Variants in HTR1F observed in about 807,000 individuals in gnomAD.
The protein encoded by HTR1F is 5-hydroxytryptamine receptor 1F.
HTR1F carries 17 observed loss-of-function variants against 24.0 expected under a neutral mutation model. That is an observed-to-expected ratio of 0.71 (90% CI 0.48 to 1.06). The LOEUF is 1.06. Ranked by LOEUF, HTR1F falls within the 50% of genes least tolerant of loss-of-function variation. HTR1F has a pLI of 0.00. For synonymous variants in HTR1F, 186 were observed against 156.8 expected, an observed-to-expected ratio of 1.19 and a Z score of -1.39; for missense variants, 391 against 427.8, an observed-to-expected ratio of 0.91 and a Z score of 0.76.
chr3:87,888,473 A>G (rs1706008479), intron 2 of HTR1F, among the ~76,000 whole-genome samples: 1 of 152,024 alleles, frequency 6.6e-6, no homozygotes. Context: ...ATAATAAAAA[A>G]TAAAATAAAA....
At chr3:87,819,351 T>G (rs2107119407) in intron 1 of HTR1F, among the ~76,000 whole-genome samples, 1 of 152,054 alleles carries the variant, frequency 6.6e-6, no homozygotes, top group East Asian at 1.9e-4. Flanking sequence ...TTTTTTTTTT[T>G]GCTTAACTTT....
At chr3:87,848,836 A>G (rs1705010173) in intron 2 of HTR1F, among the ~76,000 whole-genome samples, 1 of 151,748 alleles carries the variant, frequency 6.6e-6, no homozygotes. Flanking sequence ...GAGCCAAATC[A>G]TGAGTGAACT....
chr3:87,953,272 T>C (rs1704873102), intron 2 of HTR1F, among the ~76,000 whole-genome samples: 1 of 151,350 alleles, frequency 6.6e-6, no homozygotes, highest in Admixed American at 6.6e-5. Flanking sequence ...AGACAACCTG[T>C]TGAATGGGAG....
chr3:87,945,668 GGTT>G (rs1325395239), intron 2 of HTR1F, among the ~76,000 whole-genome samples: 1 of 152,140 alleles, frequency 6.6e-6, no homozygotes, highest in African/African-American at 2.4e-5. Context: ...AAGGGCTGGG[GGTT>G]GTTGGAAAGC....
chr3:87,857,725 C>T (rs1355571379), intron 2 of HTR1F, among the ~76,000 whole-genome samples: 4 of 152,096 alleles, frequency 2.6e-5, no homozygotes, highest in African/African-American at 9.7e-5. Context: ...AACTGATGAA[C>T]TTGCATTGAC....
At chr3:87,862,926 C>G (rs1021845) in intron 2 of HTR1F, among the ~76,000 whole-genome samples, 9,017 of 152,054 alleles carry the variant, frequency 0.059, 830 homozygotes, top group African/African-American at 0.2. Context: ...AACCGATTAT[C>G]CTGCTTCAGC....
At chr3:87,963,758 GT>G (rs1705110521) in intron 2 of HTR1F, among the ~76,000 whole-genome samples, 1 of 152,056 alleles carries the variant, frequency 6.6e-6, no homozygotes, top group Non-Finnish European at 1.5e-5. Context: ...GCACCTGAGG[GT>G]TAGAGATCTT....
At chr3:87,885,040 T>A (rs1705904161) in intron 2 of HTR1F, among the ~76,000 whole-genome samples, 1 of 152,084 alleles carries the variant, frequency 6.6e-6, no homozygotes, top group Non-Finnish European at 1.5e-5. Flanking sequence ...GAATATACAT[T>A]CTCCTCAGCA....
intron 2 of HTR1F, among the ~76,000 whole-genome samples, chr3:87,830,724 A>C (rs574933081): frequency 6.6e-6 from 1 of 152,312 alleles, no homozygotes; most frequent in East Asian, 1.9e-4. Context: ...TTTTAGAAAA[A>C]AAATGTGTAG....
At chr3:87,870,828 G>T (rs1705537589) in intron 2 of HTR1F, among the ~76,000 whole-genome samples, 1 of 151,960 alleles carries the variant, frequency 6.6e-6, no homozygotes, top group Non-Finnish European at 1.5e-5. Flanking sequence ...ATCTCTAATT[G>T]GAAATTTATA....
At chr3:87,875,831 G>A (rs546426063) in intron 2 of HTR1F, among the ~76,000 whole-genome samples, 91 of 151,132 alleles carry the variant, frequency 6.0e-4, no homozygotes, top group Non-Finnish European at 1.1e-3. Flanking sequence ...GGCTGAAGCA[G>A]GAGAATGGCT....
At chr3:87,901,705 C>T (rs2919273) in intron 2 of HTR1F, among the ~76,000 whole-genome samples, 13,513 of 150,220 alleles carry the variant, frequency 0.09, 1,882 homozygotes, top group African/African-American at 0.3. Flanking sequence ...ATACACTCAC[C>T]AAAAATGAAA....
intron 2 of HTR1F, among the ~76,000 whole-genome samples, chr3:87,839,469 T>C (rs143416647): frequency 1.3e-5 from 2 of 152,300 alleles, no homozygotes; most frequent in Admixed American, 1.3e-4. Flanking sequence ...CTTTGTAATA[T>C]ATTTTCATGT....
At chr3:87,856,787 A>C (rs1471839055) in intron 2 of HTR1F, among the ~76,000 whole-genome samples, 1 of 152,158 alleles carries the variant, frequency 6.6e-6, no homozygotes, top group Non-Finnish European at 1.5e-5. Context: ...ATCTTGTATT[A>C]CAGAAAATGG....
chr3:87,846,697 C>T (rs1704953046), intron 2 of HTR1F, among the ~76,000 whole-genome samples: 1 of 151,794 alleles, frequency 6.6e-6, no homozygotes, highest in African/African-American at 2.4e-5. Context: ...GGACACTATT[C>T]GGTAATATAA....
At chr3:87,886,646 A>C (rs1413867881) in intron 2 of HTR1F, among the ~76,000 whole-genome samples, 1 of 152,212 alleles carries the variant, frequency 6.6e-6, no homozygotes, top group Admixed American at 6.5e-5. Flanking sequence ...GCAAAGTCTC[A>C]GGATACAAAA....
At chr3:87,978,703 A>C (rs1188935220) in intron 2 of HTR1F, among the ~76,000 whole-genome samples, 1 of 151,888 alleles carries the variant, frequency 6.6e-6, no homozygotes, top group Non-Finnish European at 1.5e-5. Context: ...GGCTGAGTCC[A>C]GGATTTTTAT....
At chr3:87,818,062 C>T (rs200988937) in intron 1 of HTR1F, among the ~76,000 whole-genome samples, 1 of 152,060 alleles carries the variant, frequency 6.6e-6, no homozygotes, top group East Asian at 1.9e-4. Context: ...ATTATACAAA[C>T]AGTTTAACTT....
At position 87,871,349 on chromosome 3, in the gene HTR1F, G is replaced by C. The variant is rs557166295; in HGVS notation, c.-43+49225G>C. On this transcript the variant is annotated intron_variant, in intron 2 of 2. Transcript: ENST00000319595. Reference sequence around the variant, plus strand: ...CAGTGAATTTGAAAAGACCTCATTTGATAATATCACATCAGAAAAGCAAAA... The same window carrying C: ...CAGTGAATTTGAAAAGACCTCATTTCATAATATCACATCAGAAAAGCAAAA... 2.0e-4 allele frequency among the ~76,000 whole-genome samples: 30 copies of C among 151,870 alleles called. No homozygotes were observed. The South Asian group carries it at 6.0e-3, about 31-fold the overall frequency.
Sources: allele counts gnomAD v4.1 joint callset (sites outside exome capture counted in the v4.1 genomes callset), GRCh38; gene constraint gnomAD v4.1.1; transcripts MANE v1.5; gene names NCBI Gene and HGNC (gene_info 2026-07-23, HGNC 2026-07-21).